Variants in ST3GAL6 observed in about 807,000 individuals in gnomAD.
ST3GAL6 encodes the protein type 2 lactosamine alpha-2,3-sialyltransferase.
In ST3GAL6, 31 loss-of-function variants were observed where a neutral mutation model predicts 40.5. That is an observed-to-expected ratio of 0.77 (90% CI 0.58 to 1.03). The LOEUF (loss-of-function observed/expected upper bound fraction) is 1.03. ST3GAL6 is among the 50% of genes least tolerant of loss of function. The pLI, the probability that ST3GAL6 is intolerant of heterozygous loss-of-function variation, is 0.00. For missense variants in ST3GAL6, 357 were observed against 393.2 expected, an observed-to-expected ratio of 0.91 and a Z score of 0.78; for synonymous variants, 129 against 136.9, an observed-to-expected ratio of 0.94 and a Z score of 0.40.
intron 1 of ST3GAL6, among the ~76,000 whole-genome samples, chr3:98,751,316 T>C (rs536864222): frequency 1.3e-5 from 2 of 152,332 alleles, no homozygotes; most frequent in East Asian, 3.9e-4. Flanking sequence ...CTATACTTTC[T>C]ATACATTTAA....
intron 5 of ST3GAL6, among the ~76,000 whole-genome samples, chr3:98,779,408 G>A (rs572770050): frequency 6.6e-6 from 1 of 152,318 alleles, no homozygotes; most frequent in African/African-American, 2.4e-5. Context: ...GGTAATGGGT[G>A]TTGGGAATGT....
rs777503381 is a variant in ST3GAL6, at chr3:98,785,001, C to T, written c.392C>T (p.Thr131Ile). Residue 131 changes from threonine (T) to isoleucine (I), a missense_variant, in exon 6 of 10, where the codon ACA becomes ATA. Thr to Ile is a moderately conservative substitution (Grantham distance 89). Transcript: ENST00000483910. ...VGNGGVLKNK[T>I]LGEKIDSYDV... is the part of the protein sequence containing the mutation. ...AATGGAGGAGTTTTGAAGAATAAGA[C>T]ATTAGGAGAAAAAATCGACTCCTAT... 3 of 1,511,040 alleles carry T rather than the reference C, an allele frequency of 2.0e-6. No homozygotes were observed. The highest frequency in any genetic ancestry group is 2.7e-6 in the Non-Finnish European group (3 of 1,103,428). The allele number at this position is 1,511,040 out of a possible 1,614,324, so 93.6% of individuals were successfully genotyped here. A position where few individuals can be genotyped will look rare whatever the true frequency, so the allele number is the denominator to read the frequency against.
At chr3:98,785,126 G>A (rs1940572870) in intron 6 of ST3GAL6, 86 bp downstream of exon 6, 2 of 921,770 alleles carry the variant, frequency 2.2e-6, no homozygotes, top group Non-Finnish European at 3.3e-6. Context: ...TTGACAGGAA[G>A]GGGAGATGTT....
At chr3:98,747,786 C>A (rs892495909) in intron 1 of ST3GAL6, among the ~76,000 whole-genome samples, 4 of 152,062 alleles carry the variant, frequency 2.6e-5, no homozygotes, top group Non-Finnish European at 4.4e-5. Context: ...AAAACAATAT[C>A]ATATACTCTA....
In ST3GAL6 at chr3:98,741,133, C is replaced by A. The variant is rs147660413; in HGVS notation, c.-12+8601C>A. Among the ~76,000 whole-genome samples the A allele has an allele frequency of 1.0e-3, 150 of 150,506 alleles. 2 individuals are homozygous for A. The highest frequency in any genetic ancestry group is 6.3e-3 in the East Asian group (32 of 5,118). On this transcript the variant is annotated intron_variant, in intron 1 of 9. Transcript: ENST00000265261. Reference sequence around the variant, plus strand: ...TCAAGTGGAGTTAGGGAGAGAAAATCTGTAGGTTGAATAGAGCTATGAATT... The same window carrying A: ...TCAAGTGGAGTTAGGGAGAGAAAATATGTAGGTTGAATAGAGCTATGAATT...
At chr3:98,741,202 G>A (rs959160678) in intron 1 of ST3GAL6, among the ~76,000 whole-genome samples, 14 of 151,974 alleles carry the variant, frequency 9.2e-5, no homozygotes, top group Admixed American at 1.3e-4. Context: ...CGTTCTCTCC[G>A]AATGTTCTTG....
chr3:98,756,467 C>A, intron 1 of ST3GAL6: 1 of 1,289,160 alleles, frequency 7.8e-7, no homozygotes, highest in East Asian at 5.5e-5. Context: ...TCTTTGGCAG[C>A]CTGGTCCCTC....
In ST3GAL6 at chr3:98,783,559, A is replaced by C. The variant is rs140292598; in HGVS notation, c.336-1386A>C. ...CATTGATTTCATTTTTGCTCCATCTATAGACTCCCAGAAAAAAGAAATAAA... is the reference window on the plus strand; with the variant it reads ...CATTGATTTCATTTTTGCTCCATCTCTAGACTCCCAGAAAAAAGAAATAAA... On this transcript the variant is annotated intron_variant, in intron 5 of 9. Coordinates refer to ENST00000483910, the MANE Select transcript of ST3GAL6 (RefSeq NM_001323368.2). The C allele has an allele frequency of 9.2e-6, 9 of 983,066 alleles. No homozygotes were observed. The African/African-American group carries it at 1.4e-4, about 15-fold the overall frequency. 60.9% of individuals were successfully genotyped at this position (983,066 alleles called of 1,614,324 possible). A position where few individuals can be genotyped will look rare whatever the true frequency, so the allele number is the denominator to read the frequency against.
chr3:98,736,658 A>C (rs79733828), intron 1 of ST3GAL6, among the ~76,000 whole-genome samples: 1 of 152,204 alleles, frequency 6.6e-6, no homozygotes, highest in South Asian at 2.1e-4. Flanking sequence ...CTAATGGTCA[A>C]CCAACATTCA....
chr3:98,745,788 ATATAT>A (rs1203365207), intron 1 of ST3GAL6, among the ~76,000 whole-genome samples: 1 of 152,212 alleles, frequency 6.6e-6, no homozygotes, highest in Non-Finnish European at 1.5e-5. Flanking sequence ...TAGGCTAATT[ATATAT>A]TATATATAAT....
At chr3:98,733,516 G>A (rs1189738147) in intron 1 of ST3GAL6, 1 of 986,220 alleles carries the variant, frequency 1.0e-6, no homozygotes, top group East Asian at 1.1e-4. Flanking sequence ...AGTTTTTCGA[G>A]AAACCCTTTT....
At chr3:98,781,474 TAA>T (rs36013913) in intron 5 of ST3GAL6, among the ~76,000 whole-genome samples, 1 of 143,122 alleles carries the variant, frequency 7.0e-6, no homozygotes, top group Non-Finnish European at 1.5e-5. Flanking sequence ...ACTTAAAGTA[TAA>T]AAAAAAAAAA....
At position 98,794,255 on chromosome 3, in the gene ST3GAL6, C is replaced by T. The variant is rs1183408563; in HGVS notation, c.*494C>T. The T allele has an allele frequency of 1.3e-5, 2 of 152,142 alleles. No homozygotes were observed. Among genetic ancestry groups the T allele is most frequent in the African/African-American group, 4.8e-5 (2 of 41,414 alleles). 9.4% of individuals were successfully genotyped at this position (152,142 alleles called of 1,614,324 possible). On this transcript the variant is annotated 3_prime_UTR_variant, in exon 10 of 10. Transcript: ENST00000483910. Reference sequence around the variant, plus strand: ...AATTAAGCTCTCTCCTGACAACCCCCAGAATTAAATGAACCATGATTGTGA... The same window carrying T: ...AATTAAGCTCTCTCCTGACAACCCCTAGAATTAAATGAACCATGATTGTGA...
intron 1 of ST3GAL6, among the ~76,000 whole-genome samples, chr3:98,752,936 G>A (rs1165024875): frequency 6.6e-6 from 1 of 152,128 alleles, no homozygotes; most frequent in Non-Finnish European, 1.5e-5. Context: ...TATTCTCTGA[G>A]ACACAACAAT....
intron 1 of ST3GAL6, among the ~76,000 whole-genome samples, chr3:98,756,931 T>C (rs1470694317): frequency 6.6e-6 from 1 of 151,802 alleles, no homozygotes; most frequent in Middle Eastern, 3.2e-3. Flanking sequence ...GGCAAGAGGG[T>C]TTCCCTCTTT....
chr3:98,775,474 C>CA (rs34588217), intron 5 of ST3GAL6, among the ~76,000 whole-genome samples: 74,958 of 124,746 alleles, frequency 0.6, 20,549 homozygotes, highest in East Asian at 0.8. Context: ...GACTTCGTCT[C>CA]AAAAAAAAAA....
At chr3:98,734,995 C>T (rs922204915) in intron 1 of ST3GAL6, among the ~76,000 whole-genome samples, 1 of 152,258 alleles carries the variant, frequency 6.6e-6, no homozygotes, top group African/African-American at 2.4e-5. Flanking sequence ...GTGCTTCCAT[C>T]CAGGAGTGGT....
intron 1 of ST3GAL6, chr3:98,733,200 G>C (rs1935196556): frequency 2.1e-6 from 2 of 931,156 alleles, no homozygotes; most frequent in African/African-American, 3.6e-5. Context: ...GGCGTAAAGG[G>C]ACCATGGGCG....
At position 98,772,877 on chromosome 3, in the gene ST3GAL6, A is replaced by G. The variant is rs776542829; in HGVS notation, c.232A>G (p.Ser78Gly). The change falls in exon 4 of 10, where the codon AGC becomes GGC. Residue 78 changes from serine (S) to glycine (G), a missense_variant. Ser to Gly is a moderately conservative substitution (Grantham distance 56). Coordinates refer to ENST00000483910, the MANE Select transcript of ST3GAL6 (RefSeq NM_001323368.2). The stretch of plus-strand genomic sequence containing the variant: ...TAGAAAGATTGCTTCCTTGTATGGT[A>G]GCGATAAGTTTGATTTGCCCTATGG... ...DFRKIASLYG[S>G]DKFDLPYGMR... 46 of 1,612,918 alleles carry G rather than the reference A, an allele frequency of 2.9e-5. No homozygotes were observed. The highest frequency in any genetic ancestry group is 3.2e-5 in the Non-Finnish European group (38 of 1,179,260).
Sources: allele counts gnomAD v4.1 joint callset (sites outside exome capture counted in the v4.1 genomes callset), GRCh38; gene constraint gnomAD v4.1.1; transcripts MANE v1.5; gene names NCBI Gene and HGNC (gene_info 2026-07-23, HGNC 2026-07-21).